Variants in RALGPS2 observed in about 807,000 individuals in gnomAD.
RALGPS2 encodes Ral GEF with PH domain and SH3 binding motif 2, also known as ras-specific guanine nucleotide-releasing factor RalGPS2.
Under a neutral mutation model 86.8 loss-of-function variants are expected in RALGPS2, and 43 were observed. The ratio of observed to expected loss-of-function variants is 0.50; its 90% CI spans 0.39 to 0.64. RALGPS2 has a LOEUF of 0.64. Among genes scored for constraint, RALGPS2 ranks in the 30% least tolerant of loss-of-function variants. The probability of loss-of-function intolerance (pLI) is 0.00; values close to 1 mark genes in which losing one functional copy is unlikely to be tolerated. For synonymous variants in RALGPS2, 243 were observed against 231.3 expected (o/e 1.05, Z -0.46); for missense variants, 536 against 694.6 (o/e 0.77, Z 2.57).
Position 178,774,861 on chromosome 1 carries a change from CTGCTATCATTAGTAATAATTTTT to C in RALGPS2, c.-83-1820_-83-1798del, listed in dbSNP as rs372795420. Among the ~76,000 whole-genome samples the C allele has an allele frequency of 5.7e-3, 866 of 152,284 alleles. 6 individuals are homozygous for C. The highest frequency in any genetic ancestry group is 7.4e-3 in the Non-Finnish European group (500 of 68,018). ...GATAAATTCAAGATGTGACTGAAGG[CTGCTATCATTAGTAATAATTTTT>C]AAGCATTTCAAAACCAAGAGCATGT... On this transcript the variant is annotated intron_variant, in intron 1 of 19. Coordinates refer to ENST00000367635, the MANE Select transcript of RALGPS2 (RefSeq NM_152663.5).
intron 4 of RALGPS2, among the ~76,000 whole-genome samples, chr1:178,791,541 T>G (rs933803893): frequency 8.5e-5 from 13 of 152,224 alleles, no homozygotes; most frequent in African/African-American, 2.9e-4. Context: ...ATATAGATTC[T>G]GAATCCAACT....
At chr1:178,884,926 T>G in intron 11 of RALGPS2, 150 bp from the exon 12 acceptor site, 1 of 706,690 alleles carries the variant, frequency 1.4e-6, no homozygotes, top group Non-Finnish European at 2.1e-6. Flanking sequence ...ATTTTGTGTT[T>G]TAGGACTTAG....
chr1:178,852,570 A>G, intron 8 of RALGPS2: 2 of 1,149,418 alleles, frequency 1.7e-6, no homozygotes, highest in Non-Finnish European at 2.4e-6. Flanking sequence ...TTCCTGCCAC[A>G]GTGACCAAAA....
intron 1 of RALGPS2, among the ~76,000 whole-genome samples, chr1:178,739,868 G>A (rs761988552): frequency 2.0e-5 from 3 of 152,174 alleles, no homozygotes; most frequent in Non-Finnish European, 4.4e-5. Context: ...AGCTGAACTG[G>A]CTGTAGGAAT....
intron 19 of RALGPS2, among the ~76,000 whole-genome samples, chr1:178,910,764 G>A (rs546844338): frequency 6.6e-6 from 1 of 152,268 alleles, no homozygotes; most frequent in African/African-American, 2.4e-5. Context: ...TCAGAATGAT[G>A]TTGGCTTCAT....
intron 8 of RALGPS2, among the ~76,000 whole-genome samples, chr1:178,837,828 C>G (rs1656356685): frequency 6.6e-6 from 1 of 152,200 alleles, no homozygotes; most frequent in Admixed American, 6.5e-5. Context: ...CACTCCCACC[C>G]TAATACTGCA....
chr1:178,875,096 TCAC>T (rs1658942531), intron 8 of RALGPS2, among the ~76,000 whole-genome samples: 2 of 152,188 alleles, frequency 1.3e-5, no homozygotes, highest in African/African-American at 4.8e-5. Context: ...AAATTGGTCA[TCAC>T]TGATTAGATC....
chr1:178,883,485 C>G lies in RALGPS2; in HGVS notation c.856C>G (p.Pro286Ala), dbSNP rs1463492647. The change falls in exon 11 of 20, where the codon CCA becomes GCA. Residue 286 changes from proline (P) to alanine (A), a missense_variant. Coordinates refer to ENST00000367635, the MANE Select transcript of RALGPS2 (RefSeq NM_152663.5). ...DNYKLSLKIE[P>A]GTSTPRSAAS... is the part of the protein sequence containing the mutation. ...ATTCAGGCTTTCATTAAAGATAGAACCAGGGACAAGCACCCCACGTTCTGC... is the reference window on the plus strand; with the variant it reads ...ATTCAGGCTTTCATTAAAGATAGAAGCAGGGACAAGCACCCCACGTTCTGC... The G allele has an allele frequency of 6.2e-7, 1 of 1,612,562 alleles. No individual in the cohort carries two copies. The highest frequency in any genetic ancestry group is 8.5e-7 in the Non-Finnish European group (1 of 1,178,862).
chr1:178,851,468 G>A (rs917022675), intron 8 of RALGPS2: 6 of 633,326 alleles, frequency 9.5e-6, no homozygotes, highest in Admixed American at 3.6e-5. Flanking sequence ...TCACTTACTT[G>A]ATGGCTGTTG....
rs954724112 is a variant in RALGPS2 at position 178,886,045 on chromosome 1, GATAGCGTC to G, written c.1120_1127del (p.Ser374GlyfsTer11). ...TGCAGGACCAAGACATCTGTTAGAT[GATAGCGTC>G]ATGGAGCCCCATGCGCCATCTCGAG... On this transcript the variant is annotated frameshift_variant, in exon 13 of 20. Coordinates refer to ENST00000367635, the MANE Select transcript of RALGPS2 (RefSeq NM_152663.5). LOFTEE classifies it high-confidence loss of function. The G allele has an allele frequency of 6.2e-7, 1 of 1,613,696 alleles. No individual in the cohort carries two copies. Among genetic ancestry groups the G allele is most frequent in the Non-Finnish European group, 8.5e-7 (1 of 1,179,774 alleles).
At chr1:178,829,546 CA>C (rs1655914702) in intron 7 of RALGPS2, among the ~76,000 whole-genome samples, 1 of 152,076 alleles carries the variant, frequency 6.6e-6, no homozygotes, top group South Asian at 2.1e-4. Flanking sequence ...AGTTTCATCC[CA>C]AAACCTTTCC....
At chr1:178,751,149 C>A (rs935483461) in intron 1 of RALGPS2, among the ~76,000 whole-genome samples, 1 of 152,186 alleles carries the variant, frequency 6.6e-6, no homozygotes, top group Non-Finnish European at 1.5e-5. Context: ...ATGTCCCTCC[C>A]CCCCAAACCC....
intron 4 of RALGPS2, among the ~76,000 whole-genome samples, chr1:178,796,279 G>T (rs1049760665): frequency 2.0e-5 from 3 of 151,848 alleles, no homozygotes; most frequent in Admixed American, 6.6e-5. Context: ...AAATAGAAGG[G>T]TTTATATATA....
At chr1:178,807,958 A>G in intron 4 of RALGPS2, 87 bp from the exon 5 acceptor site, 1 of 825,482 alleles carries the variant, frequency 1.2e-6, no homozygotes, top group South Asian at 1.5e-5. Context: ...AAAAGAACAC[A>G]AACTGTCTTT....
At chr1:178,805,944 A>AT (rs562149951) in intron 4 of RALGPS2, among the ~76,000 whole-genome samples, 15 of 150,246 alleles carry the variant, frequency 1.0e-4, no homozygotes, top group East Asian at 1.9e-4. Context: ...CACATAAGGA[A>AT]TTTTTTTTTT....
intron 8 of RALGPS2, among the ~76,000 whole-genome samples, chr1:178,852,102 A>G (rs1657210967): frequency 6.6e-6 from 1 of 152,106 alleles, no homozygotes; most frequent in Admixed American, 6.6e-5. Flanking sequence ...ATGCTCTTAC[A>G]CCATGTATCC....
chr1:178,870,474 A>G (rs1005186321), intron 8 of RALGPS2, among the ~76,000 whole-genome samples: 2 of 152,218 alleles, frequency 1.3e-5, no homozygotes, highest in African/African-American at 4.8e-5. Flanking sequence ...ACTTGTTTTC[A>G]GAAACCCAGC....
chr1:178,726,653 AT>A (rs886268843), intron 1 of RALGPS2, among the ~76,000 whole-genome samples: 2 of 151,738 alleles, frequency 1.3e-5, no homozygotes, highest in Admixed American at 6.6e-5. Flanking sequence ...TGCTCCCTGG[AT>A]TTTTTTTCCC....
At chr1:178,778,056 A>G (rs1310697768) in intron 2 of RALGPS2, among the ~76,000 whole-genome samples, 16 of 136,308 alleles carry the variant, frequency 1.2e-4, no homozygotes, top group African/African-American at 4.9e-4. Context: ...ATCTAATTAA[A>G]CTAAAGAGCT....
Sources: gnomAD v4.1 joint callset for allele counts (sites outside exome capture counted in the v4.1 genomes callset) on GRCh38, gnomAD v4.1.1 for gene constraint, MANE v1.5 for transcripts, NCBI Gene and HGNC (gene_info 2026-07-23, HGNC 2026-07-21) for gene names.